The following CSRNP2 variants were observed in gnomAD, a reference collection of about 807,000 sequenced individuals.
CSRNP2 encodes the protein cysteine and serine rich nuclear protein 2.
In CSRNP2, 11 loss-of-function variants were observed where a neutral mutation model predicts 36.6. The ratio of observed to expected loss-of-function variants is 0.30; its 90% CI spans 0.19 to 0.50. The LOEUF (loss-of-function observed/expected upper bound fraction) is 0.50. CSRNP2 is among the 20% of genes least tolerant of loss of function. The pLI is 0.98. For synonymous variants in CSRNP2, 248 were observed against 275.3 expected, an observed-to-expected ratio of 0.90 and a Z score of 0.98; for missense variants, 483 against 691.4, an observed-to-expected ratio of 0.70 and a Z score of 3.38.
At chr12:51,079,554 G>C (rs1312925974) in intron 1 of CSRNP2, among the ~76,000 whole-genome samples, 3 of 145,930 alleles carry the variant, frequency 2.1e-5, no homozygotes, top group South Asian at 2.2e-4. Context: ...CCTGAGGCTG[G>C]AGTTCGAGAC....
chr12:51,067,940 C>A lies in CSRNP2; in HGVS notation c.441G>T (p.Val147=). The part of the protein sequence containing the change: ...KLTKNGTVES[V]EADGLTLDDV... ...CATCCAGCGTCAGGCCATCAGCCTC[C>A]ACCGACTCCACTGTCCCATTCTTGG... The change falls in exon 4 of 5, where the codon GTG becomes GTT. Residue 147 remains valine, a synonymous_variant. Transcript: ENST00000228515. This position sits in a 1 kb window ranked among gnomAD's most constrained non-coding sequence, Gnocchi z 4.1. 6.2e-7 allele frequency: 1 copy of A among 1,614,108 alleles called. No individual in the cohort carries two copies. The highest frequency in any genetic ancestry group is 8.5e-7 in the Non-Finnish European group (1 of 1,179,996).
intron 2 of CSRNP2, among the ~76,000 whole-genome samples, chr12:51,075,905 G>C (rs2136918521): frequency 6.6e-6 from 1 of 152,206 alleles, no homozygotes; most frequent in East Asian, 1.9e-4. Context: ...AAAAAATTAG[G>C]CGGGCGTGGT....
Position 51,063,848 on chromosome 12 carries a change from G to C in CSRNP2, c.1530C>G (p.Phe510Leu). ...CACAGCCCTCTTCATTGTCCGTGCG[G>C]AAGGGGAGGCTTGAGGGGGACCAGG... ...HPSWSPSSLP[F>L]RTDNEEGCGM... Residue 510 changes from phenylalanine to leucine, a missense_variant, in exon 5 of 5, where the codon TTC (phenylalanine) becomes TTG (leucine). Phe to Leu is a conservative substitution (Grantham distance 22). Around this residue, in one of 2 missense-constraint regions of CSRNP2, gnomAD observed 277 missense variants for 323.6 expected, o/e 0.86. Transcript: ENST00000228515. 1.2e-6 allele frequency: 2 copies of C among 1,614,056 alleles called. No homozygotes were observed. Among genetic ancestry groups the C allele is most frequent in the Non-Finnish European group, 1.7e-6 (2 of 1,179,972 alleles).
At chr12:51,078,951 T>C (rs1298401769) in intron 1 of CSRNP2, among the ~76,000 whole-genome samples, 2 of 152,148 alleles carry the variant, frequency 1.3e-5, no homozygotes, top group Non-Finnish European at 2.9e-5. Context: ...CTATTCACAA[T>C]AGCAAAGACT....
rs527915615 is a variant in CSRNP2 at position 51,067,353 on chromosome 12, AT to A, written c.708+319del. Among the ~76,000 whole-genome samples, 382 of 152,120 alleles carry A rather than the reference AT, an allele frequency of 2.5e-3. No individual in the cohort carries two copies. The highest frequency in any genetic ancestry group is 0.024 in the Middle Eastern group (7 of 294). On this transcript the variant is annotated intron_variant, in intron 4 of 4. Coordinates refer to ENST00000228515, the MANE Select transcript of CSRNP2 (RefSeq NM_030809.3). This position sits in a 1 kb window ranked among gnomAD's most constrained non-coding sequence, Gnocchi z 4.1. ...TGTCATGCTTGTTTTCTTTGCAAAA[AT>A]TTTAAGAGACAGGGTCTCACTCTGT...
At position 51,062,865 on chromosome 12, in the gene CSRNP2, GTTCCCGCT is replaced by G. The variant is rs1937712672; in HGVS notation, c.*873_*880del. On this transcript the variant is annotated 3_prime_UTR_variant, in exon 5 of 5. Transcript: ENST00000228515. ...CATCTTTCCAGATAGCAAGCAGCCTGTTCCCGCTGCCTCCTTTGGCCACAGTTAATGCT... is the reference window on the plus strand; with the variant it reads ...CATCTTTCCAGATAGCAAGCAGCCTGGCCTCCTTTGGCCACAGTTAATGCT... 1 of 152,602 alleles carries G rather than the reference GTTCCCGCT, an allele frequency of 6.6e-6. No homozygotes were observed. The highest frequency in any genetic ancestry group is 1.5e-5 in the Non-Finnish European group (1 of 68,072). 9.5% of individuals were successfully genotyped at this position (152,602 alleles called of 1,614,324 possible).
chr12:51,068,040 G>C lies in CSRNP2; in HGVS notation c.412-71C>G. ...GCACCTCCTCAGTGACCATCCCAGA[G>C]CAGCACTGTCCCTTGAACCTTCTGC... On this transcript the variant is annotated intron_variant, in intron 3 of 4. Coordinates refer to ENST00000228515, the MANE Select transcript of CSRNP2 (RefSeq NM_030809.3). 4.9e-6 allele frequency: 7 copies of C among 1,433,548 alleles called. No individual in the cohort carries two copies. The South Asian group carries it at 8.8e-5, about 18-fold the overall frequency. The allele number at this position is 1,433,548 out of a possible 1,614,324, so 88.8% of individuals were successfully genotyped here.
At chr12:51,081,861 G>A (rs918095114) in intron 1 of CSRNP2, among the ~76,000 whole-genome samples, 3 of 150,548 alleles carry the variant, frequency 2.0e-5, no homozygotes, top group African/African-American at 7.4e-5. Flanking sequence ...AAAAAAAACA[G>A]CATATGTGAG....
rs779656426 is a variant in CSRNP2, at chr12:51,067,692, T to C, written c.689A>G (p.Gln230Arg). The change falls in exon 4 of 5, where the codon CAG (glutamine) becomes CGG (arginine). Residue 230 changes from glutamine to arginine, a missense_variant. Gln to Arg is a conservative substitution (Grantham distance 43). Transcript: ENST00000228515. The surrounding 1 kb of genome is among the most constrained non-coding windows in gnomAD (Gnocchi z 4.1). ...ACTGACCTGGCATTTAATCCCAGCC[T>C]GGCTGCAGGCACACGCTTCTGGGTC... Reference protein sequence around the residue: ...YCDPEACACSQAGIKCQVDRM... With the variant: ...YCDPEACACSRAGIKCQVDRM... 6.2e-7 allele frequency: 1 copy of C among 1,613,808 alleles called. No individual in the cohort carries two copies. The highest frequency in any genetic ancestry group is 8.5e-7 in the Non-Finnish European group (1 of 1,179,744).
At position 51,063,898 on chromosome 12, in the gene CSRNP2, G is replaced by A. The variant is rs1271369274; in HGVS notation, c.1480C>T (p.Pro494Ser). Residue 494 changes from proline (P) to serine (S), a missense_variant, in exon 5 of 5, where the codon CCT (proline) becomes TCT (serine). By Grantham distance (74) the Pro-to-Ser change is moderately conservative. Around this residue, in one of 2 missense-constraint regions of CSRNP2, gnomAD observed 277 missense variants for 323.6 expected, o/e 0.86. Transcript: ENST00000228515. ...LLPEDCNPEE[P>S]ENEDFHPSWS... Reference sequence around the variant, plus strand: ...GAAGGGTGGAAGTCTTCATTTTCAGGCTCCTCAGGGTTACAATCTTCGGGC... The same window carrying A: ...GAAGGGTGGAAGTCTTCATTTTCAGACTCCTCAGGGTTACAATCTTCGGGC... 1 of 1,613,944 alleles carries A rather than the reference G, an allele frequency of 6.2e-7. No individual in the cohort carries two copies. Among genetic ancestry groups the A allele is most frequent in the Non-Finnish European group, 8.5e-7 (1 of 1,179,990 alleles).
chr12:51,064,177 G>T lies in CSRNP2; in HGVS notation c.1201C>A (p.Pro401Thr). 4 of 1,614,180 alleles carry T rather than the reference G, an allele frequency of 2.5e-6. No individual in the cohort carries two copies. Among genetic ancestry groups the T allele is most frequent in the Non-Finnish European group, 3.4e-6 (4 of 1,180,038 alleles). The change falls in exon 5 of 5, where the codon CCA becomes ACA. Residue 401 changes from proline to threonine, a missense_variant. By Grantham distance (38) the Pro-to-Thr change is conservative. Around this residue, in one of 2 missense-constraint regions of CSRNP2, gnomAD observed 277 missense variants for 323.6 expected, o/e 0.86. Transcript: ENST00000228515. ...VLCFTENSDH[P>T]TASTVNSPSY... The stretch of plus-strand genomic sequence containing the variant: ...GGGCTGTTCACCGTTGAGGCAGTTG[G>T]GTGGTCTGAGTTCTCGGTAAAACAC...
At chr12:51,075,915 T>C (rs540710321) in intron 2 of CSRNP2, among the ~76,000 whole-genome samples, 60 of 152,240 alleles carry the variant, frequency 3.9e-4, no homozygotes, top group African/African-American at 1.4e-3. Flanking sequence ...GCGGGCGTGG[T>C]GGCAGGTGCC....
rs542242620 is a variant in CSRNP2 at position 51,076,346 on chromosome 12, G to A, written c.151+65C>T. The A allele has an allele frequency of 9.6e-6, 15 of 1,556,862 alleles. No homozygotes were observed. In the East Asian group the frequency reaches 1.1e-4, roughly 12 times the overall value. ...CCCCAAGCCACACAGACGCTGTCTCGAGCTGCCATGGGTTCTGCTGCTTGG... is the reference window on the plus strand; with the variant it reads ...CCCCAAGCCACACAGACGCTGTCTCAAGCTGCCATGGGTTCTGCTGCTTGG... On this transcript the variant is annotated intron_variant, in intron 2 of 4. Transcript: ENST00000228515.
chr12:51,062,379 AACAGAG>A lies in CSRNP2; in HGVS notation c.*1361_*1366del, dbSNP rs1937664263. ...TTGCTCCCTACTGCCTCCATTTTAG[AACAGAG>A]ACAAAGATCACTTTGCTAATGAAAG... On this transcript the variant is annotated 3_prime_UTR_variant, in exon 5 of 5. Coordinates refer to ENST00000228515, the MANE Select transcript of CSRNP2 (RefSeq NM_030809.3). The A allele has an allele frequency of 6.6e-6, 1 of 152,212 alleles. No individual in the cohort carries two copies. The highest frequency in any genetic ancestry group is 2.4e-5 in the African/African-American group (1 of 41,446). 9.4% of individuals were successfully genotyped at this position (152,212 alleles called of 1,614,324 possible).
intron 3 of CSRNP2, among the ~76,000 whole-genome samples, chr12:51,072,650 A>AAGAAGAAGAGGTGG (rs1939229472): frequency 1.4e-5 from 2 of 147,900 alleles, no homozygotes; most frequent in Non-Finnish European, 3.0e-5. Flanking sequence ...TCTCTCGAAG[A>AAGAAGAAGAGGTGG]AGAGGTGGTG....
At chr12:51,065,711 C>T (rs577599689) in intron 4 of CSRNP2, among the ~76,000 whole-genome samples, 10 of 152,290 alleles carry the variant, frequency 6.6e-5, no homozygotes, top group African/African-American at 2.2e-4. Flanking sequence ...CCTTCCACCC[C>T]AGCCTCCCAA....
chr12:51,081,246 C>T (rs1160353465), intron 1 of CSRNP2, among the ~76,000 whole-genome samples: 1 of 152,036 alleles, frequency 6.6e-6, no homozygotes, highest in Non-Finnish European at 1.5e-5. Context: ...TGAGATTGTG[C>T]CACTGCACTC....
chr12:51,071,708 A>C (rs932823710), intron 3 of CSRNP2, among the ~76,000 whole-genome samples: 30 of 152,254 alleles, frequency 2.0e-4, no homozygotes, highest in African/African-American at 5.5e-4. Context: ...CTTCGTCCCT[A>C]GAATTCCTGT....
intron 3 of CSRNP2, among the ~76,000 whole-genome samples, chr12:51,069,304 T>C (rs1182853184): frequency 6.7e-6 from 1 of 150,342 alleles, no homozygotes; most frequent in Non-Finnish European, 1.5e-5. Context: ...TTTTTTTTTT[T>C]TTTGAGACAG....
Sources: gnomAD v4.1 joint callset for allele counts (sites outside exome capture counted in the v4.1 genomes callset) on GRCh38, gnomAD v4.1.1 for gene constraint, gnomAD v4.1.1 regional missense constraint, Gnocchi (gnomAD v3.1) non-coding constraint, MANE v1.5 for transcripts, NCBI Gene and HGNC (gene_info 2026-07-23, HGNC 2026-07-21) for gene names.